Variants in ALCAM observed in about 807,000 individuals in gnomAD.
ALCAM encodes activated leukocyte cell adhesion molecule.
A neutral mutation model predicts 70.9 loss-of-function variants in ALCAM; 30 were observed. The observed-to-expected ratio is 0.42, with a 90% CI of 0.32 to 0.57. The LOEUF (loss-of-function observed/expected upper bound fraction) is 0.57. Ranked by LOEUF, ALCAM falls within the 20% of genes least tolerant of loss-of-function variation. The pLI, the probability that ALCAM is intolerant of heterozygous loss-of-function variation, is 0.11. For synonymous variants in ALCAM, 249 were observed against 242.5 expected (o/e 1.03, Z -0.25); for missense variants, 591 against 695.1 (o/e 0.85, Z 1.68).
rs539601819 is a variant in ALCAM, at chr3:105,548,838, A to G, written c.1375-1289A>G. Reference sequence around the variant, plus strand: ...GTGCAGATCTATTTTTAGCATCAAAAATGGTGGTTTCTTTTCTACTCTATT... The same window carrying G: ...GTGCAGATCTATTTTTAGCATCAAAGATGGTGGTTTCTTTTCTACTCTATT... On this transcript the variant is annotated intron_variant, in intron 11 of 15. Coordinates refer to ENST00000306107, the MANE Select transcript of ALCAM (RefSeq NM_001627.4). 4.0e-5 allele frequency among the ~76,000 whole-genome samples: 6 copies of G among 151,570 alleles called. No homozygotes were observed. In the East Asian group the frequency reaches 1.2e-3, roughly 30 times the overall value.
chr3:105,494,983 T>C (rs1938696423), intron 1 of ALCAM, among the ~76,000 whole-genome samples: 1 of 152,160 alleles, frequency 6.6e-6, no homozygotes, highest in African/African-American at 2.4e-5. Context: ...TTTACTCTTA[T>C]GATGCCCCCA....
chr3:105,532,779 G>A (rs1043431235), intron 4 of ALCAM, among the ~76,000 whole-genome samples: 1 of 152,098 alleles, frequency 6.6e-6, no homozygotes, highest in Non-Finnish European at 1.5e-5. Flanking sequence ...AAACAAGAAA[G>A]GATAGAAAGA....
At chr3:105,377,579 A>G (rs942392760) in intron 1 of ALCAM, among the ~76,000 whole-genome samples, 9 of 152,106 alleles carry the variant, frequency 5.9e-5, no homozygotes, top group African/African-American at 1.7e-4. Flanking sequence ...TTAGAATTAT[A>G]GGAGTAGTAG....
chr3:105,368,223 A>AGGAGAGAGAGAGAGAGAG (rs376082543), intron 1 of ALCAM, among the ~76,000 whole-genome samples: 1 of 67,790 alleles, frequency 1.5e-5, no homozygotes, highest in Non-Finnish European at 2.8e-5. Context: ...TGAGTCTTGG[A>AGGAGAGAGAGAGAGAGAG]AGAGAGAGAG....
chr3:105,487,967 G>T (rs903345551), intron 1 of ALCAM, among the ~76,000 whole-genome samples: 1 of 152,164 alleles, frequency 6.6e-6, no homozygotes, highest in African/African-American at 2.4e-5. Flanking sequence ...TCCAATGTCG[G>T]AAGTGGGACC....
intron 1 of ALCAM, among the ~76,000 whole-genome samples, chr3:105,402,559 A>T (rs998592109): frequency 2.6e-5 from 4 of 152,080 alleles, no homozygotes; most frequent in Non-Finnish European, 4.4e-5. Flanking sequence ...TGGGAGTGAG[A>T]CCGGCCTTTA....
At chr3:105,459,512 C>T (rs185131920) in intron 1 of ALCAM, among the ~76,000 whole-genome samples, 185 of 152,060 alleles carry the variant, frequency 1.2e-3, no homozygotes, top group African/African-American at 4.3e-3. Flanking sequence ...TGCCTGCTTT[C>T]GGTGGGCAAT....
chr3:105,387,241 C>G (rs775890818), intron 1 of ALCAM, among the ~76,000 whole-genome samples: 5 of 151,538 alleles, frequency 3.3e-5, no homozygotes, highest in African/African-American at 4.8e-5. Flanking sequence ...CCCTCACACA[C>G]ACACACACAC....
chr3:105,566,946 G>A (rs962397614), intron 14 of ALCAM, among the ~76,000 whole-genome samples: 6 of 152,010 alleles, frequency 3.9e-5, no homozygotes, highest in African/African-American at 1.2e-4. Flanking sequence ...AGGTCTGCTG[G>A]TGATACTTTT....
At chr3:105,553,827 G>T (rs1438849541) in intron 14 of ALCAM, among the ~76,000 whole-genome samples, 2 of 151,938 alleles carry the variant, frequency 1.3e-5, no homozygotes, top group African/African-American at 4.8e-5. Context: ...GTAGGGCACA[G>T]AATTGTTATT....
intron 1 of ALCAM, among the ~76,000 whole-genome samples, chr3:105,509,140 T>G (rs1939164849): frequency 6.6e-6 from 1 of 152,146 alleles, no homozygotes; most frequent in Non-Finnish European, 1.5e-5. Context: ...TTTGGTTGTG[T>G]CCATATCTTG....
chr3:105,446,966 C>G (rs976966549), intron 1 of ALCAM, among the ~76,000 whole-genome samples: 2 of 151,934 alleles, frequency 1.3e-5, no homozygotes, highest in African/African-American at 4.8e-5. Context: ...CAATGGTTAA[C>G]AGTATTGTAT....
chr3:105,387,458 C>G (rs1576126271), intron 1 of ALCAM, among the ~76,000 whole-genome samples: 1 of 151,536 alleles, frequency 6.6e-6, no homozygotes, highest in East Asian at 1.9e-4. Flanking sequence ...ACAGCAGAAC[C>G]TGTGTGTACT....
intron 1 of ALCAM, among the ~76,000 whole-genome samples, chr3:105,405,830 G>A (rs1046087665): frequency 6.6e-6 from 1 of 152,038 alleles, no homozygotes; most frequent in African/African-American, 2.4e-5. Flanking sequence ...AAATCAAGAT[G>A]GAAATTTAAA....
chr3:105,496,142 C>T (rs149872580), intron 1 of ALCAM, among the ~76,000 whole-genome samples: 8 of 152,234 alleles, frequency 5.3e-5, no homozygotes, highest in South Asian at 2.1e-4. Flanking sequence ...CATAACAATA[C>T]GCAAGTTCCC....
intron 1 of ALCAM, among the ~76,000 whole-genome samples, chr3:105,425,718 T>C (rs1200448214): frequency 6.6e-6 from 1 of 151,570 alleles, no homozygotes; most frequent in Admixed American, 6.6e-5. Context: ...AGCAAAAATA[T>C]TAATACGGCT....
intron 1 of ALCAM, among the ~76,000 whole-genome samples, chr3:105,402,406 A>C (rs1315081915): frequency 6.6e-6 from 1 of 152,170 alleles, no homozygotes; most frequent in Non-Finnish European, 1.5e-5. Context: ...AAGGAACTGT[A>C]TCACTGCTGC....
intron 1 of ALCAM, among the ~76,000 whole-genome samples, chr3:105,444,379 T>C (rs1047377809): frequency 6.6e-6 from 1 of 152,114 alleles, no homozygotes; most frequent in Non-Finnish European, 1.5e-5. Context: ...CAAGGAAAAC[T>C]GCCTTATAAA....
intron 1 of ALCAM, among the ~76,000 whole-genome samples, chr3:105,403,690 A>G (rs965737713): frequency 1.3e-5 from 2 of 152,032 alleles, no homozygotes; most frequent in African/African-American, 2.4e-5. Flanking sequence ...CAACACCCCA[A>G]AAAGATCATA....
Sources: allele counts gnomAD v4.1 joint callset (sites outside exome capture counted in the v4.1 genomes callset), GRCh38; gene constraint gnomAD v4.1.1; transcripts MANE v1.5; gene names NCBI Gene and HGNC (gene_info 2026-07-23, HGNC 2026-07-21).